GRIK2: variants seen among roughly 807,000 people sequenced by gnomAD.
GRIK2 encodes the protein glutamate receptor ionotropic, kainate 2.
GRIK2 carries 32 observed loss-of-function variants against 100.3 expected under a neutral mutation model. The observed-to-expected ratio is 0.32, with a 90% CI of 0.24 to 0.43. The LOEUF (loss-of-function observed/expected upper bound fraction) is 0.43. GRIK2 is among the 20% of genes least tolerant of loss of function. The pLI is 1.00. For synonymous variants in GRIK2, 417 were observed against 389.4 expected (o/e 1.07, Z -0.83); for missense variants, 843 against 1,114.9 (o/e 0.76, Z 3.47).
chr6:101,837,943 T>C (rs1440450455), intron 10 of GRIK2, among the ~76,000 whole-genome samples: 1 of 152,172 alleles, frequency 6.6e-6, no homozygotes, highest in East Asian at 1.9e-4. Flanking sequence ...TACCCCCAAA[T>C]GTGTCTCCGT....
At chr6:101,751,814 G>A (rs79096289) in intron 7 of GRIK2, among the ~76,000 whole-genome samples, 13 of 152,190 alleles carry the variant, frequency 8.5e-5, no homozygotes, top group African/African-American at 2.2e-4. Flanking sequence ...GTTTGTTCTC[G>A]TGCAAAATTA....
chr6:101,420,362 T>C (rs1206201028), intron 2 of GRIK2, among the ~76,000 whole-genome samples: 1 of 152,210 alleles, frequency 6.6e-6, no homozygotes, highest in African/African-American at 2.4e-5. Context: ...TATTTAACGA[T>C]TTGTTCATAA....
chr6:101,621,518 TC>T (rs1780158904), intron 2 of GRIK2, among the ~76,000 whole-genome samples: 1 of 152,126 alleles, frequency 6.6e-6, no homozygotes, highest in Admixed American at 6.6e-5. Context: ...CACATTTTTT[TC>T]AATGCTTAAT....
intron 12 of GRIK2, among the ~76,000 whole-genome samples, chr6:101,911,762 G>A (rs998852690): frequency 6.6e-6 from 1 of 151,330 alleles, no homozygotes; most frequent in Non-Finnish European, 1.5e-5. Context: ...AGAACATTTA[G>A]TCTAATATGA....
intron 6 of GRIK2, among the ~76,000 whole-genome samples, chr6:101,685,055 C>T (rs1278504571): frequency 1.3e-5 from 2 of 152,228 alleles, no homozygotes; most frequent in East Asian, 3.9e-4. Context: ...TTCTGAGCCT[C>T]ATCACAGCTA....
chr6:101,544,456 G>T (rs919070841), intron 2 of GRIK2, among the ~76,000 whole-genome samples: 9 of 152,228 alleles, frequency 5.9e-5, no homozygotes, highest in African/African-American at 1.7e-4. Context: ...CCAGGTTTTG[G>T]TCCTGCCCTG....
intron 7 of GRIK2, among the ~76,000 whole-genome samples, chr6:101,765,305 G>A (rs1777979900): frequency 6.6e-6 from 1 of 152,064 alleles, no homozygotes; most frequent in South Asian, 2.1e-4. Flanking sequence ...CATATATCTT[G>A]CTTATGTTTA....
intron 7 of GRIK2, among the ~76,000 whole-genome samples, chr6:101,725,018 C>T (rs1333149569): frequency 1.3e-5 from 2 of 151,954 alleles, no homozygotes; most frequent in Admixed American, 1.3e-4. Flanking sequence ...CCATTGCCTC[C>T]AACATTAAAC....
At chr6:101,845,659 C>CT (rs1783764745) in intron 10 of GRIK2, among the ~76,000 whole-genome samples, 1 of 152,100 alleles carries the variant, frequency 6.6e-6, no homozygotes, top group Non-Finnish European at 1.5e-5. Context: ...AATTTTTAAT[C>CT]TTTTTGGGTA....
intron 7 of GRIK2, among the ~76,000 whole-genome samples, chr6:101,741,577 G>T (rs1776034579): frequency 6.6e-6 from 1 of 152,116 alleles, no homozygotes; most frequent in Non-Finnish European, 1.5e-5. Context: ...GGCATCAGTG[G>T]AAACGTATGG....
intron 14 of GRIK2, among the ~76,000 whole-genome samples, chr6:102,004,732 TA>T (rs1795123374): frequency 6.6e-6 from 1 of 151,964 alleles, no homozygotes; most frequent in East Asian, 1.9e-4. Flanking sequence ...CAGCTAATGT[TA>T]TTTCAGCTCC....
chr6:102,064,376 TTC>T (rs929389756), intron 16 of GRIK2, among the ~76,000 whole-genome samples: 7 of 147,268 alleles, frequency 4.8e-5, no homozygotes, highest in Non-Finnish European at 9.1e-5. Context: ...CTTTCTTTCT[TTC>T]TTTCTTTCCT....
Position 101,935,134 on chromosome 6 carries a change from C to T in GRIK2, c.2085+6502C>T, listed in dbSNP as rs143504738. On this transcript the variant is annotated intron_variant, in intron 14 of 16. Transcript: ENST00000369134. ...TAGTTTGCACATGTTTACTATTACGCGGATTCTAATAATTTTCCACCACTA... is the reference window on the plus strand; with the variant it reads ...TAGTTTGCACATGTTTACTATTACGTGGATTCTAATAATTTTCCACCACTA... Among the ~76,000 whole-genome samples, 107 of 151,920 alleles carry T rather than the reference C, an allele frequency of 7.0e-4. 1 individual carries two copies. The highest frequency in any genetic ancestry group is 2.4e-3 in the African/African-American group (98 of 41,532).
At chr6:101,757,830 C>G (rs1166093884) in intron 7 of GRIK2, among the ~76,000 whole-genome samples, 10 of 152,184 alleles carry the variant, frequency 6.6e-5, no homozygotes, top group Admixed American at 3.9e-4. Context: ...AGCAATTTCT[C>G]TAATGTTTTG....
In GRIK2 at chr6:101,591,344, A is replaced by C. The variant is rs370118876; in HGVS notation, c.116-30605A>C. Among the ~76,000 whole-genome samples, 370 of 151,326 alleles carry C rather than the reference A, an allele frequency of 2.4e-3. 1 individual carries two copies. The highest frequency in any genetic ancestry group is 8.4e-3 in the African/African-American group (345 of 41,262). ...CCTTTATGGTCTAGCTCAGGTCATGATTCTTTCCAAGCTTATCTACCCTCC... is the reference window on the plus strand; with the variant it reads ...CCTTTATGGTCTAGCTCAGGTCATGCTTCTTTCCAAGCTTATCTACCCTCC... On this transcript the variant is annotated intron_variant, in intron 2 of 16. Transcript: ENST00000369134.
chr6:101,640,633 T>C (rs1026579453), intron 4 of GRIK2, among the ~76,000 whole-genome samples: 3 of 152,146 alleles, frequency 2.0e-5, no homozygotes, highest in Non-Finnish European at 4.4e-5. Flanking sequence ...CCAGTCAAGT[T>C]GTCGTTGAAT....
chr6:101,868,753 G>C (rs113745337), intron 11 of GRIK2, among the ~76,000 whole-genome samples: 4 of 151,674 alleles, frequency 2.6e-5, no homozygotes, highest in Admixed American at 2.0e-4. Flanking sequence ...ATTGCATAAA[G>C]TTTCTTTTCA....
chr6:101,642,671 T>C (rs535945969), intron 4 of GRIK2, among the ~76,000 whole-genome samples: 42 of 151,890 alleles, frequency 2.8e-4, no homozygotes, highest in African/African-American at 9.6e-4. Context: ...ACCTTTTAGC[T>C]ATTATAAATA....
At position 101,514,930 on chromosome 6, in the gene GRIK2, C is replaced by T. The variant is rs1019379834; in HGVS notation, c.116-107019C>T. ...TATTTTTCCAGAGGTTATTGGGGTA[C>T]GGGAGGTACTTGGTTACATGAGTAA... On this transcript the variant is annotated intron_variant, in intron 2 of 16. Transcript: ENST00000369134. Among the ~76,000 whole-genome samples, 9 of 151,928 alleles carry T rather than the reference C, an allele frequency of 5.9e-5. 1 individual carries two copies. The highest frequency in any genetic ancestry group is 4.2e-4 in the South Asian group (2 of 4,818).
Sources: gnomAD v4.1 joint callset for allele counts (sites outside exome capture counted in the v4.1 genomes callset) on GRCh38, gnomAD v4.1.1 for gene constraint, MANE v1.5 for transcripts, NCBI Gene and HGNC (gene_info 2026-07-23, HGNC 2026-07-21) for gene names.